ESRRG: variants seen among roughly 807,000 people sequenced by gnomAD.
The protein encoded by ESRRG is estrogen-related receptor gamma.
ESRRG carries 13 observed loss-of-function variants against 44.0 expected under a neutral mutation model. The ratio of observed to expected loss-of-function variants is 0.30; its 90% CI spans 0.19 to 0.47. The LOEUF is 0.47. ESRRG is among the 20% of genes least tolerant of loss of function. The probability of loss-of-function intolerance (pLI) is 1.00; values close to 1 mark genes in which losing one functional copy is unlikely to be tolerated. For synonymous variants in ESRRG, 215 were observed against 214.6 expected, an observed-to-expected ratio of 1.00 and a Z score of -0.02; for missense variants, 395 against 580.6, an observed-to-expected ratio of 0.68 and a Z score of 3.29.
intron 1 of ESRRG, among the ~76,000 whole-genome samples, chr1:217,064,255 C>G (rs1018873428): frequency 6.6e-6 from 1 of 151,322 alleles, no homozygotes; most frequent in African/African-American, 2.4e-5. Context: ...TGTATATATA[C>G]ATATATGTAT....
chr1:216,825,240 C>T (rs1285167876), intron 2 of ESRRG, among the ~76,000 whole-genome samples: 1 of 152,178 alleles, frequency 6.6e-6, no homozygotes, highest in African/African-American at 2.4e-5. Flanking sequence ...ACCTTCCTGC[C>T]CCTTAAGGAA....
intron 1 of ESRRG, among the ~76,000 whole-genome samples, chr1:217,088,929 T>A (rs531898846): frequency 2.0e-5 from 3 of 151,970 alleles, no homozygotes; most frequent in African/African-American, 7.2e-5. Flanking sequence ...GTGACCTCCG[T>A]GCAACTTCAG....
At chr1:216,960,345 C>T in intron 1 of ESRRG, among the ~76,000 whole-genome samples, 1 of 152,126 alleles carries the variant, frequency 6.6e-6, no homozygotes, top group Admixed American at 6.5e-5. Flanking sequence ...TACCTGTGGA[C>T]CCTTCCTCAA....
chr1:216,660,856 G>T lies in ESRRG; in HGVS notation c.473-9767C>A, dbSNP rs141318515. On this transcript the variant is annotated intron_variant, in intron 2 of 6. Transcript: ENST00000408911. Reference sequence around the variant, plus strand: ...TGTCTCTGTACCAGTATGGTTGGTGGCTGGTTTAATTCCACAGAAACCAAA... The same window carrying T: ...TGTCTCTGTACCAGTATGGTTGGTGTCTGGTTTAATTCCACAGAAACCAAA... Among the ~76,000 whole-genome samples, 206 of 152,274 alleles carry T rather than the reference G, an allele frequency of 1.4e-3. 4 individuals are homozygous for T. The East Asian group carries it at 0.034, about 25-fold the overall frequency.
intron 1 of ESRRG, among the ~76,000 whole-genome samples, chr1:216,959,095 C>T (rs1174648997): frequency 6.6e-6 from 1 of 151,814 alleles, no homozygotes; most frequent in African/African-American, 2.4e-5. Flanking sequence ...TCCTTCCTTC[C>T]CTCCTTCTCT....
chr1:216,556,324 TA>T (rs2057563772), intron 5 of ESRRG, among the ~76,000 whole-genome samples: 1 of 152,236 alleles, frequency 6.6e-6, no homozygotes, highest in South Asian at 2.1e-4. Context: ...TAAAAGATTA[TA>T]ATATGTGGTG....
chr1:216,948,643 G>A (rs1032649730), intron 1 of ESRRG, among the ~76,000 whole-genome samples: 5 of 151,956 alleles, frequency 3.3e-5, no homozygotes, highest in Non-Finnish European at 5.9e-5. Context: ...GAATCTATTT[G>A]GGGGTATTTG....
chr1:216,835,354 G>A (rs1373715417), intron 2 of ESRRG, among the ~76,000 whole-genome samples: 1 of 152,190 alleles, frequency 6.6e-6, no homozygotes, highest in African/African-American at 2.4e-5. Context: ...GAAATCGGAA[G>A]TGAGGTACAG....
chr1:216,905,277 A>T (rs1251281082), intron 2 of ESRRG, among the ~76,000 whole-genome samples: 1 of 151,268 alleles, frequency 6.6e-6, no homozygotes, highest in Non-Finnish European at 1.5e-5. Context: ...ACACTCCTTC[A>T]TTCACTAGGC....
At chr1:217,075,716 G>A (rs2091208070) in intron 1 of ESRRG, among the ~76,000 whole-genome samples, 1 of 151,922 alleles carries the variant, frequency 6.6e-6, no homozygotes, top group Admixed American at 6.6e-5. Context: ...ACATTTTTCA[G>A]TCTAAGCATG....
intron 3 of ESRRG, among the ~76,000 whole-genome samples, chr1:216,645,329 A>C (rs1440571147): frequency 6.6e-6 from 1 of 152,114 alleles, no homozygotes; most frequent in Non-Finnish European, 1.5e-5. Context: ...CTTCATTGAT[A>C]TAGTCATCAT....
At chr1:216,814,530 TA>T (rs1248968473) in intron 2 of ESRRG, among the ~76,000 whole-genome samples, 2 of 151,692 alleles carry the variant, frequency 1.3e-5, no homozygotes, top group African/African-American at 4.9e-5. Context: ...AGAAGCAGCA[TA>T]AAGATTTCTC....
chr1:216,802,387 T>G (rs2094650359), intron 2 of ESRRG, among the ~76,000 whole-genome samples: 1 of 152,032 alleles, frequency 6.6e-6, no homozygotes, highest in South Asian at 2.1e-4. Flanking sequence ...AAGAGAGAAT[T>G]CACTGAGAAG....
At chr1:216,923,575 G>A (rs567946020) in intron 2 of ESRRG, among the ~76,000 whole-genome samples, 5 of 152,284 alleles carry the variant, frequency 3.3e-5, no homozygotes, top group Admixed American at 3.3e-4. Context: ...GTGATTAACT[G>A]GACTGTTGGT....
chr1:216,508,523 G>A (rs2041828712), intron 6 of ESRRG, among the ~76,000 whole-genome samples: 1 of 152,164 alleles, frequency 6.6e-6, no homozygotes, highest in South Asian at 2.1e-4. Context: ...CATTGATAGT[G>A]GTTCCCTGGA....
At chr1:217,012,215 C>T (rs1359172531) in intron 1 of ESRRG, among the ~76,000 whole-genome samples, 2 of 152,218 alleles carry the variant, frequency 1.3e-5, no homozygotes, top group Non-Finnish European at 2.9e-5. Context: ...GCTTTTGGCC[C>T]GTCTTCTGAG....
At chr1:217,001,780 C>CT (rs1168081427) in intron 1 of ESRRG, among the ~76,000 whole-genome samples, 1 of 152,066 alleles carries the variant, frequency 6.6e-6, no homozygotes, top group East Asian at 1.9e-4. Flanking sequence ...ACTACAAAGA[C>CT]TTTGACTTTT....
At chr1:216,951,236 C>G (rs1027622439) in intron 1 of ESRRG, among the ~76,000 whole-genome samples, 3 of 152,132 alleles carry the variant, frequency 2.0e-5, no homozygotes, top group African/African-American at 4.8e-5. Flanking sequence ...ATATTAGTAA[C>G]ATTAAGCTTA....
chr1:217,071,441 TA>T (rs1368124776), intron 1 of ESRRG, among the ~76,000 whole-genome samples: 11 of 152,152 alleles, frequency 7.2e-5, no homozygotes, highest in Non-Finnish European at 1.0e-4. Flanking sequence ...ATGTATAAGA[TA>T]GGGGTAAAAA....
Sources: gnomAD v4.1 joint callset for allele counts (sites outside exome capture counted in the v4.1 genomes callset) on GRCh38, gnomAD v4.1.1 for gene constraint, MANE v1.5 for transcripts, NCBI Gene and HGNC (gene_info 2026-07-23, HGNC 2026-07-21) for gene names.